The following AHDC1 variants were observed in gnomAD, a reference collection of about 807,000 sequenced individuals.
AHDC1 encodes transcription factor Gibbin.
Under a neutral mutation model 87.9 loss-of-function variants are expected in AHDC1, and 7 were observed. The ratio of observed to expected loss-of-function variants is 0.08; its 90% CI spans 0.05 to 0.15. AHDC1 has a LOEUF of 0.15. Ranked by LOEUF, AHDC1 falls within the 10% of genes least tolerant of loss-of-function variation. The pLI, the probability that AHDC1 is intolerant of heterozygous loss-of-function variation, is 1.00. For missense variants in AHDC1, 1,841 were observed against 2,253.2 expected (o/e 0.82, Z 3.70); for synonymous variants, 1,051 against 1,006.8 (o/e 1.04, Z -0.83).
At position 27,565,622 on chromosome 1, in the gene AHDC1, A is replaced by C. The variant is rs928780568; in HGVS notation, c.-628-6739T>G. 3.9e-5 allele frequency among the ~76,000 whole-genome samples: 6 copies of C among 152,118 alleles called. No individual in the cohort carries two copies. The highest frequency in any genetic ancestry group is 1.4e-4 in the African/African-American group (6 of 41,402). On this transcript the variant is annotated intron_variant, in intron 3 of 8. Transcript: ENST00000673934. This position sits in a 1 kb window ranked among gnomAD's most constrained non-coding sequence, Gnocchi z 4.6. The stretch of plus-strand genomic sequence containing the variant: ...TCTTTCCTTGTTCCTCATAACTTTG[A>C]GTTTGTTCCAGGAACTCAAAGCACT...
chr1:27,584,380 A>G (rs1278456092), intron 3 of AHDC1, among the ~76,000 whole-genome samples: 1 of 152,212 alleles, frequency 6.6e-6, no homozygotes, highest in African/African-American at 2.4e-5. Context: ...GAGCCTCACA[A>G]AACCCTATAG....
rs577071052 is a variant in AHDC1 at position 27,583,767 on chromosome 1, C to T, written c.-629+19630G>A. On this transcript the variant is annotated intron_variant, in intron 3 of 8. Coordinates refer to ENST00000673934, the MANE Select transcript of AHDC1 (RefSeq NM_001371928.1). The stretch of plus-strand genomic sequence containing the variant: ...TCACTGTACCTCTTTGAACCCGATT[C>T]CTATCTGTGAAATAAGGATAATATG... Among the ~76,000 whole-genome samples the T allele has an allele frequency of 3.3e-5, 5 of 152,324 alleles. No individual in the cohort carries two copies. The South Asian group carries it at 8.3e-4, about 25-fold the overall frequency.
At chr1:27,536,753 C>T (rs1426401808) in intron 8 of AHDC1, among the ~76,000 whole-genome samples, 1 of 152,080 alleles carries the variant, frequency 6.6e-6, no homozygotes, top group East Asian at 1.9e-4. Context: ...TTAGGATGGG[C>T]TGCTCCAAAC....
rs1003226785 is a variant in AHDC1, at chr1:27,560,672, T to C, written c.-628-1789A>G. On this transcript the variant is annotated intron_variant, in intron 3 of 8. Coordinates refer to ENST00000673934, the MANE Select transcript of AHDC1 (RefSeq NM_001371928.1). This position sits in a 1 kb window ranked among gnomAD's most constrained non-coding sequence, Gnocchi z 4.1. The stretch of plus-strand genomic sequence containing the variant: ...TGGATTTGTGTGACCTTATTGTGTG[T>C]CTGTGTACCACAGCGTGTCTCTGTG... Among the ~76,000 whole-genome samples, 4 of 152,120 alleles carry C rather than the reference T, an allele frequency of 2.6e-5. No homozygotes were observed. Among genetic ancestry groups the C allele is most frequent in the Admixed American group, 6.5e-5 (1 of 15,272 alleles).
chr1:27,547,747 C>T lies in AHDC1; in HGVS notation c.4369G>A (p.Asp1457Asn), dbSNP rs775223166. Reference protein sequence around the residue: ...RDLPLGQPHYDSPSCKGTAYW... With the variant: ...RDLPLGQPHYNSPSCKGTAYW... ...GCTGTGCCCTTGCAGCTGGGGGAAT[C>T]GTAGTGGGGCTGGCCCAGCGGCAGG... is the stretch of plus-strand genomic sequence containing the variant. Residue 1457 changes from aspartate (D) to asparagine (N), a missense_variant, in exon 8 of 9, where the codon GAT (aspartate) becomes AAT (asparagine). By Grantham distance (23) the Asp-to-Asn change is conservative (BLOSUM62 1). This residue lies in a region of AHDC1 where 505 missense variants were observed against 626.2 expected (regional missense o/e 0.81). Transcript: ENST00000673934. This position sits in a 1 kb window ranked among gnomAD's most constrained non-coding sequence, Gnocchi z 4.9. 12 of 1,591,516 alleles carry T rather than the reference C, an allele frequency of 7.5e-6. 1 individual carries two copies. The South Asian group carries it at 9.0e-5, about 12-fold the overall frequency.
rs775156319 is a variant in AHDC1, at chr1:27,565,349, C to T, written c.-628-6466G>A. On this transcript the variant is annotated intron_variant, in intron 3 of 8. Transcript: ENST00000673934. This position sits in a 1 kb window ranked among gnomAD's most constrained non-coding sequence, Gnocchi z 4.6. Reference sequence around the variant, plus strand: ...CAGAGGTGAGGCCTGACTCCCCTACCCCAGGGCCTGTTTGCCCACGACTCC... The same window carrying T: ...CAGAGGTGAGGCCTGACTCCCCTACTCCAGGGCCTGTTTGCCCACGACTCC... Among the ~76,000 whole-genome samples, 18 of 152,150 alleles carry T rather than the reference C, an allele frequency of 1.2e-4. No individual in the cohort carries two copies. Among genetic ancestry groups the T allele is most frequent in the Non-Finnish European group, 2.5e-4 (17 of 67,998 alleles).
chr1:27,538,417 A>AC (rs1395637419), intron 8 of AHDC1, among the ~76,000 whole-genome samples: 1 of 148,584 alleles, frequency 6.7e-6, no homozygotes, highest in Non-Finnish European at 1.5e-5. Context: ...AAAAAAAAAA[A>AC]ACCAGAAAAG....
rs564416313 is a variant in AHDC1 at position 27,562,862 on chromosome 1, C to T, written c.-628-3979G>A. 2.0e-5 allele frequency among the ~76,000 whole-genome samples: 3 copies of T among 152,134 alleles called. No individual in the cohort carries two copies. Among genetic ancestry groups the T allele is most frequent in the Admixed American group, 6.5e-5 (1 of 15,284 alleles). On this transcript the variant is annotated intron_variant, in intron 3 of 8. Coordinates refer to ENST00000673934, the MANE Select transcript of AHDC1 (RefSeq NM_001371928.1). This position sits in a 1 kb window ranked among gnomAD's most constrained non-coding sequence, Gnocchi z 4.4. ...ACATGCCACTCCCCACAACAGCCTG[C>T]GACGGGCACATGGTGACATCTCACA...
chr1:27,575,084 C>A (rs547052749), intron 3 of AHDC1, among the ~76,000 whole-genome samples: 1 of 152,338 alleles, frequency 6.6e-6, no homozygotes, highest in South Asian at 2.1e-4. Context: ...TCCCTCCTAG[C>A]AGCCCTCAGA....
intron 3 of AHDC1, among the ~76,000 whole-genome samples, chr1:27,601,542 G>A (rs2089528146): frequency 6.6e-6 from 1 of 152,190 alleles, no homozygotes; most frequent in African/African-American, 2.4e-5. Context: ...CAGTCTCTGG[G>A]GATTACTCCA....
intron 3 of AHDC1, among the ~76,000 whole-genome samples, chr1:27,603,141 G>T (rs1278924218): frequency 6.7e-6 from 1 of 149,416 alleles, no homozygotes; most frequent in African/African-American, 2.5e-5. Context: ...GGAAACCCGA[G>T]AACCCCCCCT....
intron 8 of AHDC1, among the ~76,000 whole-genome samples, chr1:27,541,001 T>TAAAAAAAAAAAAAGAA (rs2018880933): frequency 1.4e-5 from 1 of 72,368 alleles, no homozygotes; most frequent in African/African-American, 5.8e-5. Flanking sequence ...CTAAAAATGC[T>TAAAAAAAAAAAAAGAA]AAAAAAAAAA....
chr1:27,541,097 G>A (rs1306052715), intron 8 of AHDC1, among the ~76,000 whole-genome samples: 1 of 151,296 alleles, frequency 6.6e-6, no homozygotes, highest in Non-Finnish European at 1.5e-5. Flanking sequence ...GGTGGGGTGC[G>A]TGCTTGGAGC....
chr1:27,560,096 CTG>C lies in AHDC1; in HGVS notation c.-628-1215_-628-1214del, dbSNP rs143138183. ...GCTCAGTTGTGGCTGCTGTGGTCAG[CTG>C]TGTGTGTGTATGTGTGATGCCAGCT... On this transcript the variant is annotated intron_variant, in intron 3 of 8. Transcript: ENST00000673934. This position sits in a 1 kb window ranked among gnomAD's most constrained non-coding sequence, Gnocchi z 4.1. Among the ~76,000 whole-genome samples the C allele has an allele frequency of 6.6e-6, 1 of 152,054 alleles. No individual in the cohort carries two copies. Among genetic ancestry groups the C allele is most frequent in the Admixed American group, 6.5e-5 (1 of 15,270 alleles).
At position 27,597,404 on chromosome 1, in the gene AHDC1, C is replaced by A. The variant is rs113536314; in HGVS notation, c.-629+5993G>T. Reference sequence around the variant, plus strand: ...GAGAGAGAGAGAGAGAGACGCAGGGCCTGTGTAGACAGGTGTGACCGTGGG... The same window carrying A: ...GAGAGAGAGAGAGAGAGACGCAGGGACTGTGTAGACAGGTGTGACCGTGGG... On this transcript the variant is annotated intron_variant, in intron 3 of 8. Transcript: ENST00000673934. Among the ~76,000 whole-genome samples the A allele has an allele frequency of 1.3e-4, 20 of 151,652 alleles. 1 individual carries two copies. Among genetic ancestry groups the A allele is most frequent in the African/African-American group, 4.6e-4 (19 of 41,306 alleles).
intron 3 of AHDC1, among the ~76,000 whole-genome samples, chr1:27,600,696 G>C (rs1028976671): frequency 2.0e-5 from 3 of 152,088 alleles, no homozygotes; most frequent in African/African-American, 7.2e-5. Context: ...CTTCTGCCAG[G>C]GGCAGTCTGC....
At chr1:27,602,465 G>C (rs1571361527) in intron 3 of AHDC1, among the ~76,000 whole-genome samples, 1 of 152,136 alleles carries the variant, frequency 6.6e-6, no homozygotes, top group East Asian at 1.9e-4. Context: ...CTGGGTTGCT[G>C]TCCCTTTTCC....
At chr1:27,583,891 T>C (rs1370070900) in intron 3 of AHDC1, among the ~76,000 whole-genome samples, 2 of 152,178 alleles carry the variant, frequency 1.3e-5, no homozygotes, top group Non-Finnish European at 2.9e-5. Flanking sequence ...CTTATCTCCA[T>C]TCTGAAGGCT....
chr1:27,586,697 A>C (rs1038855986), intron 3 of AHDC1, among the ~76,000 whole-genome samples: 4 of 152,148 alleles, frequency 2.6e-5, no homozygotes, highest in Non-Finnish European at 2.9e-5. Flanking sequence ...TCAAAGGCAG[A>C]GCCCAGCTAC....
Sources: gnomAD v4.1 joint callset for allele counts (sites outside exome capture counted in the v4.1 genomes callset) on GRCh38, gnomAD v4.1.1 for gene constraint, gnomAD v4.1.1 regional missense constraint, Gnocchi (gnomAD v3.1) non-coding constraint, MANE v1.5 for transcripts, NCBI Gene and HGNC (gene_info 2026-07-23, HGNC 2026-07-21) for gene names.